The following CDYL variants were observed in gnomAD, a reference collection of about 807,000 sequenced individuals.
The protein encoded by CDYL is chromodomain Y like, also known as chromodomain Y-like protein.
A neutral mutation model predicts 47.3 loss-of-function variants in CDYL; 8 were observed. That is an observed-to-expected ratio of 0.17 (90% CI 0.10 to 0.31). The LOEUF (loss-of-function observed/expected upper bound fraction) is 0.31, where lower values mean the gene tolerates loss of function less well. Ranked by LOEUF, CDYL falls within the 10% of genes least tolerant of loss-of-function variation. CDYL has a pLI of 1.00. For missense variants in CDYL, 471 were observed against 701.4 expected (o/e 0.67, Z 3.71); for synonymous variants, 266 against 265.0 (o/e 1.00, Z -0.04).
intron 1 of CDYL, among the ~76,000 whole-genome samples, chr6:4,873,574 T>C (rs1354860701): frequency 1.3e-5 from 2 of 152,246 alleles, no homozygotes; most frequent in Non-Finnish European, 2.9e-5. Flanking sequence ...AAATTCACGC[T>C]TGTTAATAAC....
chr6:4,898,669 G>A (rs1298317483), intron 2 of CDYL, among the ~76,000 whole-genome samples: 1 of 152,126 alleles, frequency 6.6e-6, no homozygotes, highest in Non-Finnish European at 1.5e-5. Context: ...TGAGCATAGT[G>A]GTCCGCAAAC....
chr6:4,954,195 A>T lies in CDYL; in HGVS notation c.*139A>T. The T allele has an allele frequency of 1.3e-6, 1 of 775,968 alleles. No individual in the cohort carries two copies. The highest frequency in any genetic ancestry group is 2.0e-6 in the Non-Finnish European group (1 of 509,022). The allele number at this position is 775,968 out of a possible 1,614,324, so 48.1% of individuals were successfully genotyped here. A position where few individuals can be genotyped will look rare whatever the true frequency, so the allele number is the denominator to read the frequency against. On this transcript the variant is annotated 3_prime_UTR_variant, in exon 7 of 7. Transcript: ENST00000397588. ...CTTGGAAGCAGGACTGGGAACATCC[A>T]CGCTATTTATTATCGAGGAGTTTTA...
At chr6:4,853,515 T>C (rs1233119388) in intron 1 of CDYL, among the ~76,000 whole-genome samples, 2 of 152,058 alleles carry the variant, frequency 1.3e-5, no homozygotes, top group Non-Finnish European at 2.9e-5. Flanking sequence ...CCCCTCCTCC[T>C]CCCTTCCTCT....
At chr6:4,756,580 ATG>A (rs4053260) in intron 3 of CDYL, among the ~76,000 whole-genome samples, 3,057 of 142,126 alleles carry the variant, frequency 0.022, 20 homozygotes, top group Middle Eastern at 0.034. Context: ...TATCGTGTGT[ATG>A]TGTGTGTGTG....
intron 2 of CDYL, among the ~76,000 whole-genome samples, chr6:4,927,685 GGATT>G (rs1354380802): frequency 7.9e-5 from 12 of 152,224 alleles, no homozygotes; most frequent in Admixed American, 7.8e-4. Flanking sequence ...TACAGTGGTG[GGATT>G]GATTCCAGGC....
At chr6:4,831,663 C>T (rs951723905) in intron 1 of CDYL, among the ~76,000 whole-genome samples, 1 of 152,044 alleles carries the variant, frequency 6.6e-6, no homozygotes, top group Non-Finnish European at 1.5e-5. Context: ...TATAAATTAC[C>T]TTGGGCAGTG....
chr6:4,724,914 T>C (rs1364364966), intron 2 of CDYL: 3 of 152,158 alleles, frequency 2.0e-5, no homozygotes, highest in East Asian at 1.9e-4. Flanking sequence ...CTGCTTTTAT[T>C]CTCTTACCTG....
chr6:4,941,091 G>A lies in CDYL; in HGVS notation c.1122-2455G>A, dbSNP rs182008517. ...AAAGTCTTTTTAGACTAATTATGTG[G>A]CAAATATCAGCCTCCTTCCCTGCCA... On this transcript the variant is annotated intron_variant, in intron 4 of 6. Coordinates refer to ENST00000397588, the MANE Select transcript of CDYL (RefSeq NM_004824.4). Among the ~76,000 whole-genome samples the A allele has an allele frequency of 2.6e-5, 4 of 152,324 alleles. No individual in the cohort carries two copies. The East Asian group carries it at 5.8e-4, about 22-fold the overall frequency.
At chr6:4,748,549 G>A (rs768513407) in intron 3 of CDYL, among the ~76,000 whole-genome samples, 37 of 151,772 alleles carry the variant, frequency 2.4e-4, no homozygotes, top group Non-Finnish European at 4.1e-4. Context: ...AGGGAAGTTC[G>A]GGAAGCCAAG....
chr6:4,713,238 C>T (rs17345223), intron 1 of CDYL, among the ~76,000 whole-genome samples: 2 of 152,174 alleles, frequency 1.3e-5, no homozygotes, highest in South Asian at 4.1e-4. Flanking sequence ...AATCTGCCTC[C>T]CTGGATCTCG....
At chr6:4,721,698 CACTT>C (rs1484619199) in intron 2 of CDYL, among the ~76,000 whole-genome samples, 2 of 151,752 alleles carry the variant, frequency 1.3e-5, no homozygotes, top group Non-Finnish European at 2.9e-5. Flanking sequence ...TCCTAAGAAA[CACTT>C]ACACGTCACT....
intron 2 of CDYL, among the ~76,000 whole-genome samples, chr6:4,899,188 G>A (rs1756935027): frequency 6.6e-6 from 1 of 152,172 alleles, no homozygotes; most frequent in African/African-American, 2.4e-5. Context: ...ATGTAAAAAT[G>A]AATTAAATAT....
intron 2 of CDYL, among the ~76,000 whole-genome samples, chr6:4,912,188 A>T (rs1757433836): frequency 6.6e-6 from 1 of 152,214 alleles, no homozygotes. Flanking sequence ...CCCCAGCATG[A>T]TGTTGAAAAG....
chr6:4,938,178 A>G (rs1361874041), intron 4 of CDYL, among the ~76,000 whole-genome samples: 1 of 151,882 alleles, frequency 6.6e-6, no homozygotes, highest in Non-Finnish European at 1.5e-5. Context: ...AGGCTTTATG[A>G]TGAGATAGCT....
chr6:4,748,523 G>A (rs1757934641), intron 3 of CDYL, among the ~76,000 whole-genome samples: 1 of 152,050 alleles, frequency 6.6e-6, no homozygotes, highest in African/African-American at 2.4e-5. Context: ...GGAGTATGAT[G>A]GCATTGGGAG....
chr6:4,898,360 G>C (rs1762347713), intron 2 of CDYL, among the ~76,000 whole-genome samples: 1 of 152,224 alleles, frequency 6.6e-6, no homozygotes, highest in African/African-American at 2.4e-5. Flanking sequence ...CAGGCAATTA[G>C]AAGTGTGTTT....
At chr6:4,828,719 T>G (rs1198579764) in intron 1 of CDYL, among the ~76,000 whole-genome samples, 1 of 152,194 alleles carries the variant, frequency 6.6e-6, no homozygotes, top group African/African-American at 2.4e-5. Flanking sequence ...CCCTTTCTTT[T>G]CTCCCAAGTC....
intron 2 of CDYL, among the ~76,000 whole-genome samples, chr6:4,918,395 T>C (rs1757616780): frequency 6.6e-6 from 1 of 151,370 alleles, no homozygotes. Flanking sequence ...TTTGGCACTT[T>C]GAGGTGACAT....
chr6:4,858,040 A>G (rs1017716755), intron 1 of CDYL, among the ~76,000 whole-genome samples: 15 of 128,498 alleles, frequency 1.2e-4, no homozygotes, highest in Non-Finnish European at 2.1e-4. Context: ...TCTGTATCGC[A>G]CTAGTTCAAG....
Sources: gnomAD v4.1 joint callset for allele counts (sites outside exome capture counted in the v4.1 genomes callset) on GRCh38, gnomAD v4.1.1 for gene constraint, MANE v1.5 for transcripts, NCBI Gene and HGNC (gene_info 2026-07-23, HGNC 2026-07-21) for gene names.